Variants in GLYAT observed in about 807,000 individuals in gnomAD.
The protein encoded by GLYAT is glycine N-acyltransferase.
A neutral mutation model predicts 22.8 loss-of-function variants in GLYAT; 25 were observed. That is an observed-to-expected ratio of 1.09 (90% confidence interval 0.80 to 1.53). The LOEUF (loss-of-function observed/expected upper bound fraction) is 1.53. Ranked by LOEUF, GLYAT falls within the 40% of genes most tolerant of loss-of-function variation. The pLI is 0.00. For synonymous variants in GLYAT, 140 were observed against 122.7 expected (o/e 1.14, Z -0.93); for missense variants, 411 against 353.9 (o/e 1.16, Z -1.29).
chr11:58,710,719 G>C lies in GLYAT; in HGVS notation c.359C>G (p.Ala120Gly), dbSNP rs1856605248. 2 of 1,612,848 alleles carry C rather than the reference G, an allele frequency of 1.2e-6. No individual in the cohort carries two copies. The highest frequency in any genetic ancestry group is 1.7e-6 in the Non-Finnish European group (2 of 1,178,896). ...TTGTTTGACTTTGAAGGACTTAATGGCTGCAAGATTTTGTATAGCCTCATT... is the reference window on the plus strand; with the variant it reads ...TTGTTTGACTTTGAAGGACTTAATGCCTGCAAGATTTTGTATAGCCTCATT... ...SLNEAIQNLA[A>G]IKSFKVKQTQ... The change falls in exon 5 of 6, where the codon GCC becomes GGC. Residue 120 changes from alanine to glycine, a missense_variant. By Grantham distance (60) the Ala-to-Gly change is moderately conservative. Coordinates refer to ENST00000344743, the MANE Select transcript of GLYAT (RefSeq NM_201648.3).
intron 1 of GLYAT, among the ~76,000 whole-genome samples, chr11:58,731,470 C>T (rs987322042): frequency 2.6e-5 from 4 of 152,110 alleles, no homozygotes; most frequent in African/African-American, 9.7e-5. Flanking sequence ...TAGTTGTCTG[C>T]ATATTCTGAG....
chr11:58,728,381 C>A (rs1856831930), intron 1 of GLYAT, among the ~76,000 whole-genome samples: 1 of 151,948 alleles, frequency 6.6e-6, no homozygotes, highest in South Asian at 2.1e-4. Context: ...AAAAAACTTT[C>A]ACTGTGGCTC....
intron 2 of GLYAT, among the ~76,000 whole-genome samples, chr11:58,718,849 T>A (rs1856715305): frequency 6.6e-6 from 1 of 151,950 alleles, no homozygotes; most frequent in African/African-American, 2.4e-5. Flanking sequence ...ACAAGAAAAT[T>A]TATTACCTCT....
At chr11:58,717,930 A>G (rs947466839) in intron 2 of GLYAT, among the ~76,000 whole-genome samples, 1 of 152,024 alleles carries the variant, frequency 6.6e-6, no homozygotes, top group African/African-American at 2.4e-5. Flanking sequence ...TGTGCCATCA[A>G]ATACCTATGA....
At chr11:58,731,600 A>T (rs1856872551) in intron 1 of GLYAT, among the ~76,000 whole-genome samples, 1 of 152,222 alleles carries the variant, frequency 6.6e-6, no homozygotes, top group Non-Finnish European at 1.5e-5. Context: ...ATATGATGTT[A>T]TGAGAGCATA....
chr11:58,719,223 A>T (rs76440425), intron 2 of GLYAT, among the ~76,000 whole-genome samples: 254 of 152,150 alleles, frequency 1.7e-3, no homozygotes, highest in African/African-American at 5.9e-3. Context: ...AAAGTCAAAG[A>T]CTTCAAAAAA....
At position 58,710,780 on chromosome 11, in the gene GLYAT, A is replaced by G. The variant is rs1160891383; in HGVS notation, c.317-19T>C. The G allele has an allele frequency of 7.1e-7, 1 of 1,413,862 alleles. No homozygotes were observed. The highest frequency in any genetic ancestry group is 2.3e-5 in the East Asian group (1 of 43,952). The allele number at this position is 1,413,862 out of a possible 1,614,324, so 87.6% of individuals were successfully genotyped here. On this transcript the variant is annotated intron_variant, in intron 4 of 5. Transcript: ENST00000344743. ...TGTGAACCTAGACGGTATAATAAAC[A>G]GAGATGAAATGGTTTAGGTATATTC...
chr11:58,726,393 T>G (rs997105442), intron 1 of GLYAT, among the ~76,000 whole-genome samples: 1 of 152,082 alleles, frequency 6.6e-6, no homozygotes, highest in African/African-American at 2.4e-5. Flanking sequence ...GTCAGGGCAG[T>G]AGTAGCCAGC....
chr11:58,711,998 G>A (rs1856622100), intron 4 of GLYAT, among the ~76,000 whole-genome samples: 1 of 152,162 alleles, frequency 6.6e-6, no homozygotes, highest in African/African-American at 2.4e-5. Context: ...TGAACTAACA[G>A]CAGAACTCTC....
Position 58,710,641 on chromosome 11 carries a change from A to G in GLYAT, c.437T>C (p.Phe146Ser), listed in dbSNP as rs1299093884. 6.2e-7 allele frequency: 1 copy of G among 1,609,540 alleles called. No homozygotes were observed. Among genetic ancestry groups the G allele is most frequent in the Non-Finnish European group, 8.5e-7 (1 of 1,175,814 alleles). The change falls in exon 5 of 6, where the codon TTC (phenylalanine) becomes TCC (serine). Residue 146 changes from phenylalanine to serine, a missense_variant. By Grantham distance (155) the Phe-to-Ser change is radical. Coordinates refer to ENST00000344743, the MANE Select transcript of GLYAT (RefSeq NM_201648.3). The stretch of plus-strand genomic sequence containing the variant: ...AGATAAAATCTTTGATTTCAGCAGG[A>G]AAGGAGTCAGTTCCTTGGCTGTTTC... ...AAETAKELTP[F>S]LLKSKILSPN...
chr11:58,728,886 GAAA>G lies in GLYAT; in HGVS notation c.-16+2946_-16+2948del, dbSNP rs1438518579. On this transcript the variant is annotated intron_variant, in intron 1 of 5. Transcript: ENST00000344743. ...AGAAAGAAAGAAAGAAAGAAAGAAA[GAAA>G]GAAGGAAGGAAGGAAGGAAGGAAGG... Among the ~76,000 whole-genome samples the G allele has an allele frequency of 6.1e-3, 661 of 108,726 alleles. 2 individuals carry two copies. Among genetic ancestry groups the G allele is most frequent in the African/African-American group, 0.024 (621 of 25,600 alleles). 71.3% of individuals were successfully genotyped at this position (108,726 alleles called of 152,430 possible).
At chr11:58,718,443 C>G (rs930705419) in intron 2 of GLYAT, among the ~76,000 whole-genome samples, 12 of 152,110 alleles carry the variant, frequency 7.9e-5, no homozygotes, top group African/African-American at 1.9e-4. Context: ...TCCTATTTTG[C>G]TTGATACTCA....
intron 5 of GLYAT, 189 bp from the exon 6 acceptor site, chr11:58,710,357 G>A: frequency 1.0e-6 from 1 of 974,374 alleles, no homozygotes; most frequent in Non-Finnish European, 1.5e-6. Context: ...AAGCAGGAAG[G>A]GCAATAAAGG....
In GLYAT at chr11:58,721,657, T is replaced by A. The variant is rs113956927; in HGVS notation, c.81+2759A>T. 8.8e-3 allele frequency among the ~76,000 whole-genome samples: 1,335 copies of A among 152,148 alleles called. 25 individuals are homozygous for A. The highest frequency in any genetic ancestry group is 0.03 in the African/African-American group (1,239 of 41,530). Reference sequence around the variant, plus strand: ...TAACAATTGAGCTCCTTAATTTTTTTAAAAAAATCTTATTACCATATTTCA... The same window carrying A: ...TAACAATTGAGCTCCTTAATTTTTTAAAAAAAATCTTATTACCATATTTCA... On this transcript the variant is annotated intron_variant, in intron 2 of 5. Transcript: ENST00000344743.
At position 58,710,130 on chromosome 11, in the gene GLYAT, G is replaced by A. The variant is rs767626591; in HGVS notation, c.527C>T (p.Thr176Ile). ...EMFKLSSMDV[T>I]HAHLVNKFWH... ...GAATTTATTCACCAAGTGAGCATGG[G>A]TAACATCCATGGATGAGAGTTTAAA... is the stretch of plus-strand genomic sequence containing the variant. Residue 176 changes from threonine (T) to isoleucine (I), a missense_variant, in exon 6 of 6, where the codon ACC (threonine) becomes ATC (isoleucine). Transcript: ENST00000344743. 1.9e-6 allele frequency: 3 copies of A among 1,613,860 alleles called. No individual in the cohort carries two copies. The highest frequency in any genetic ancestry group is 3.3e-5 in the Admixed American group (2 of 60,018).
Position 58,709,889 on chromosome 11 carries a change from T to G in GLYAT, c.768A>C (p.Lys256Asn). Residue 256 changes from lysine (K) to asparagine (N), a missense_variant, in exon 6 of 6, where the codon AAA becomes AAC. By Grantham distance (94) the Lys-to-Asn change is moderately conservative. Coordinates refer to ENST00000344743, the MANE Select transcript of GLYAT (RefSeq NM_201648.3). ...VIYSHAQKLGKLGFPVYSHVD... is the reference protein window; with the variant it reads ...VIYSHAQKLGNLGFPVYSHVD... ...CATGAGAATAGACAGGAAACCCAAG[T>G]TTGCCCAATTTCTGGGCGTGGGAAT... 1.2e-6 allele frequency: 2 copies of G among 1,614,176 alleles called. No homozygotes were observed. The highest frequency in any genetic ancestry group is 1.7e-6 in the Non-Finnish European group (2 of 1,180,006).
At chr11:58,714,662 A>C (rs558068174) in intron 3 of GLYAT, among the ~76,000 whole-genome samples, 1 of 152,144 alleles carries the variant, frequency 6.6e-6, no homozygotes, top group South Asian at 2.1e-4. Flanking sequence ...AGTTTTCATG[A>C]GATCTGATGG....
rs1856574269 is a variant in GLYAT, at chr11:58,708,942, C to A, written c.*824G>T. 1 of 152,212 alleles carries A rather than the reference C, an allele frequency of 6.6e-6. No homozygotes were observed. The highest frequency in any genetic ancestry group is 2.1e-4 in the South Asian group (1 of 4,826). 9.4% of individuals were successfully genotyped at this position (152,212 alleles called of 1,614,324 possible). A position where few individuals can be genotyped will look rare whatever the true frequency, so the allele number is the denominator to read the frequency against. Reference sequence around the variant, plus strand: ...TGTCTCCTCTCCCTTCAACTCCTATCTCTCCTCAATAAACCATCACATCCC... The same window carrying A: ...TGTCTCCTCTCCCTTCAACTCCTATATCTCCTCAATAAACCATCACATCCC... On this transcript the variant is annotated 3_prime_UTR_variant, in exon 6 of 6. Coordinates refer to ENST00000344743, the MANE Select transcript of GLYAT (RefSeq NM_201648.3).
At chr11:58,711,500 T>A (rs1430281798) in intron 4 of GLYAT, among the ~76,000 whole-genome samples, 1 of 152,134 alleles carries the variant, frequency 6.6e-6, no homozygotes, top group Admixed American at 6.5e-5. Context: ...CAGTAAGGAT[T>A]TGTGTAATTT....
Sources: gnomAD v4.1 joint callset for allele counts (sites outside exome capture counted in the v4.1 genomes callset) on GRCh38, gnomAD v4.1.1 for gene constraint, MANE v1.5 for transcripts, NCBI Gene and HGNC (gene_info 2026-07-23, HGNC 2026-07-21) for gene names.